The following RERE variants were observed in gnomAD, a reference collection of about 807,000 sequenced individuals.
RERE encodes the protein arginine-glutamic acid dipeptide repeats.
A neutral mutation model predicts 146.1 loss-of-function variants in RERE; 40 were observed. The observed-to-expected ratio is 0.27, with a 90% CI of 0.21 to 0.36. The LOEUF (loss-of-function observed/expected upper bound fraction) is 0.36, where lower values mean the gene tolerates loss of function less well. Among genes scored for constraint, RERE ranks in the 10% least tolerant of loss-of-function variants. The pLI, the probability that RERE is intolerant of heterozygous loss-of-function variation, is 1.00. For synonymous variants in RERE, 1,003 were observed against 866.0 expected, an observed-to-expected ratio of 1.16 and a Z score of -2.78; for missense variants, 1,933 against 2,138.7, an observed-to-expected ratio of 0.90 and a Z score of 1.90.
intron 3 of RERE, among the ~76,000 whole-genome samples, chr1:8,616,790 C>CT (rs1646857058): frequency 6.6e-6 from 1 of 152,232 alleles, no homozygotes; most frequent in South Asian, 2.1e-4. Context: ...CCAACCCTGA[C>CT]TGGCAGCCAC....
At chr1:8,787,668 T>A (rs921909803) in intron 1 of RERE, among the ~76,000 whole-genome samples, 1 of 151,802 alleles carries the variant, frequency 6.6e-6, no homozygotes, top group Non-Finnish European at 1.5e-5. Flanking sequence ...TCGTCTCTAC[T>A]AAAATTACAA....
At chr1:8,410,684 T>C (rs1286582963) in intron 12 of RERE, among the ~76,000 whole-genome samples, 1 of 152,154 alleles carries the variant, frequency 6.6e-6, no homozygotes, top group Non-Finnish European at 1.5e-5. Flanking sequence ...TCAAACAAGT[T>C]TTAACATTGA....
Position 8,467,667 on chromosome 1 carries a change from C to T in RERE, c.1105-1644G>A, listed in dbSNP as rs150673289. Among the ~76,000 whole-genome samples, 1,190 of 151,858 alleles carry T rather than the reference C, an allele frequency of 7.8e-3. 17 individuals are homozygous for T. The highest frequency in any genetic ancestry group is 0.027 in the African/African-American group (1,137 of 41,416). On this transcript the variant is annotated intron_variant, in intron 10 of 22. Transcript: ENST00000400908. ...TTTATTTTTTTCTTTTTTTTTGAGA[C>T]GGAGTCTTGCTCTGTTGCCCAGGCT...
At chr1:8,393,557 T>C (rs1255094348) in intron 12 of RERE, among the ~76,000 whole-genome samples, 1 of 152,192 alleles carries the variant, frequency 6.6e-6, no homozygotes, top group Non-Finnish European at 1.5e-5. Flanking sequence ...CAGCTCAAGG[T>C]GTTTTAAGAA....
chr1:8,815,442 G>A (rs953756345), intron 1 of RERE, among the ~76,000 whole-genome samples: 1 of 151,826 alleles, frequency 6.6e-6, no homozygotes, highest in African/African-American at 2.4e-5. Flanking sequence ...ACAAAATCAG[G>A]GTCAATGAGA....
chr1:8,476,527 A>C (rs921592520), intron 10 of RERE, among the ~76,000 whole-genome samples: 2 of 152,034 alleles, frequency 1.3e-5, no homozygotes, highest in African/African-American at 4.8e-5. Flanking sequence ...ATGTAAACAA[A>C]CTAACAAAAA....
rs1216187850 is a variant in RERE, at chr1:8,473,636, A to G, written c.1105-7613T>C. 2.0e-5 allele frequency among the ~76,000 whole-genome samples: 3 copies of G among 152,176 alleles called. No individual in the cohort carries two copies. The East Asian group carries it at 5.8e-4, about 29-fold the overall frequency. On this transcript the variant is annotated intron_variant, in intron 10 of 22. Transcript: ENST00000400908. Reference sequence around the variant, plus strand: ...TGCTACAATAAATTAACAACTAGTCAATACCTTCTGCAGCCTACTGAAAAT... The same window carrying G: ...TGCTACAATAAATTAACAACTAGTCGATACCTTCTGCAGCCTACTGAAAAT...
chr1:8,768,443 T>C (rs1170125739), intron 1 of RERE, among the ~76,000 whole-genome samples: 1 of 152,210 alleles, frequency 6.6e-6, no homozygotes, highest in Non-Finnish European at 1.5e-5. Flanking sequence ...TAGACGAGTA[T>C]TGTCCAACAG....
intron 1 of RERE, among the ~76,000 whole-genome samples, chr1:8,805,000 TG>T (rs1641658093): frequency 3.3e-4 from 45 of 135,886 alleles, no homozygotes; most frequent in East Asian, 1.2e-3. Flanking sequence ...TGTTTTGTTT[TG>T]TTTTTGGTTT....
intron 11 of RERE, among the ~76,000 whole-genome samples, chr1:8,432,268 C>T (rs867198350): frequency 6.6e-6 from 1 of 152,098 alleles, no homozygotes; most frequent in South Asian, 2.1e-4. Context: ...GATTCCTTTC[C>T]CTGGGTTTTT....
intron 10 of RERE, among the ~76,000 whole-genome samples, chr1:8,487,963 G>A (rs1644925640): frequency 6.6e-6 from 1 of 151,946 alleles, no homozygotes; most frequent in Admixed American, 6.6e-5. Flanking sequence ...AAAGAAAGCG[G>A]GGCATGGTGG....
chr1:8,774,951 CTTTTTTTTTTTTTTTT>C (rs869173167), intron 1 of RERE, among the ~76,000 whole-genome samples: 630 of 47,998 alleles, frequency 0.013, 11 homozygotes, highest in African/African-American at 0.043. Context: ...TTCTTTCTTT[CTTTTTTTTTTTTTTTT>C]TTTTTTTTTT....
chr1:8,740,538 A>G (rs1640286938), intron 1 of RERE, among the ~76,000 whole-genome samples: 1 of 152,190 alleles, frequency 6.6e-6, no homozygotes, highest in African/African-American at 2.4e-5. Context: ...TACTTTATAA[A>G]CCATTTTTAA....
At chr1:8,620,540 TCA>T (rs1646904528) in intron 3 of RERE, among the ~76,000 whole-genome samples, 1 of 152,218 alleles carries the variant, frequency 6.6e-6, no homozygotes, top group Non-Finnish European at 1.5e-5. Context: ...CCTCAGTCTC[TCA>T]GTTTCTCAAC....
chr1:8,570,493 T>C (rs1233885612), intron 4 of RERE, among the ~76,000 whole-genome samples: 3 of 152,230 alleles, frequency 2.0e-5, no homozygotes, highest in Non-Finnish European at 2.9e-5. Context: ...GTAACACTTT[T>C]ATTTCTGCAA....
chr1:8,534,102 C>T lies in RERE; in HGVS notation c.830+7112G>A, dbSNP rs868487354. 7.2e-4 allele frequency among the ~76,000 whole-genome samples: 110 copies of T among 152,134 alleles called. 1 individual carries two copies. Among genetic ancestry groups the T allele is most frequent in the Non-Finnish European group, 1.2e-3 (79 of 68,022 alleles). Reference sequence around the variant, plus strand: ...ATCTTCAAAAGCTACACAAAGACCACGAGCTGTGGTGAGTGGAAAAGGGAA... The same window carrying T: ...ATCTTCAAAAGCTACACAAAGACCATGAGCTGTGGTGAGTGGAAAAGGGAA... On this transcript the variant is annotated intron_variant, in intron 7 of 22. Coordinates refer to ENST00000400908, the MANE Select transcript of RERE (RefSeq NM_001042681.2).
intron 8 of RERE, among the ~76,000 whole-genome samples, chr1:8,503,986 T>C (rs766849251): frequency 2.0e-5 from 3 of 152,082 alleles, no homozygotes; most frequent in Non-Finnish European, 4.4e-5. Flanking sequence ...AATAAAGATA[T>C]ACATAAAAGA....
At chr1:8,659,869 G>A (rs1638414469) in intron 1 of RERE, among the ~76,000 whole-genome samples, 1 of 152,132 alleles carries the variant, frequency 6.6e-6, no homozygotes, top group Non-Finnish European at 1.5e-5. Context: ...ATCATACACT[G>A]TTTCTATTTA....
At chr1:8,797,364 T>C (rs972091962) in intron 1 of RERE, among the ~76,000 whole-genome samples, 3 of 101,234 alleles carry the variant, frequency 3.0e-5, no homozygotes, top group African/African-American at 1.2e-4. Flanking sequence ...GGTGACAGAG[T>C]AAGACTCCGC....
Sources: gnomAD v4.1 joint callset for allele counts (sites outside exome capture counted in the v4.1 genomes callset) on GRCh38, gnomAD v4.1.1 for gene constraint, MANE v1.5 for transcripts, NCBI Gene and HGNC (gene_info 2026-07-23, HGNC 2026-07-21) for gene names.